Variants in MAGI2 observed in about 807,000 individuals in gnomAD.
MAGI2 encodes membrane associated guanylate kinase, WW and PDZ domain containing 2.
In MAGI2, 35 loss-of-function variants were observed where a neutral mutation model predicts 133.3. The observed-to-expected ratio is 0.26, with a 90% CI of 0.20 to 0.35. The LOEUF (loss-of-function observed/expected upper bound fraction) is 0.35, where lower values mean the gene tolerates loss of function less well. Ranked by LOEUF, MAGI2 falls within the 10% of genes least tolerant of loss-of-function variation. The pLI is 1.00. For synonymous variants in MAGI2, 729 were observed against 710.6 expected (o/e 1.03, Z -0.41); for missense variants, 1,636 against 1,863.4 (o/e 0.88, Z 2.25).
intron 7 of MAGI2, among the ~76,000 whole-genome samples, chr7:78,355,933 G>C (rs1421436843): frequency 6.6e-6 from 1 of 152,106 alleles, no homozygotes; most frequent in Non-Finnish European, 1.5e-5. Context: ...GAAAATGTGT[G>C]TGTGTATGCG....
rs554311808 is a variant in MAGI2 at position 78,087,481 on chromosome 7, A to T, written c.3568-8396T>A. 4.1e-4 allele frequency among the ~76,000 whole-genome samples: 57 copies of T among 140,114 alleles called. 2 individuals are homozygous for T. In the East Asian group the frequency reaches 4.2e-3, roughly 10 times the overall value. The allele number at this position is 140,114 out of a possible 152,430, so 91.9% of individuals were successfully genotyped here. On this transcript the variant is annotated intron_variant, in intron 20 of 21. Transcript: ENST00000354212. ...CAATTAACAATAGATCATTATAATT[A>T]TCATAATAACGGTAGAAGAGATAAA...
intron 2 of MAGI2, among the ~76,000 whole-genome samples, chr7:78,640,147 A>G (rs916695011): frequency 6.6e-5 from 10 of 152,286 alleles, no homozygotes; most frequent in African/African-American, 2.4e-4. Flanking sequence ...ATCTCAGACT[A>G]CTGTATTTCC....
intron 13 of MAGI2, among the ~76,000 whole-genome samples, chr7:78,181,860 G>T (rs535425417): frequency 3.1e-4 from 47 of 152,308 alleles, no homozygotes; most frequent in African/African-American, 1.0e-3. Context: ...GACTCTAGGG[G>T]CTTCACATGC....
At chr7:78,968,688 A>T (rs1159875508) in intron 2 of MAGI2, among the ~76,000 whole-genome samples, 2 of 152,044 alleles carry the variant, frequency 1.3e-5, no homozygotes, top group Non-Finnish European at 2.9e-5. Flanking sequence ...ATTCCAAAAG[A>T]AGTCATTTTA....
chr7:78,168,346 A>C (rs940922868), intron 14 of MAGI2, among the ~76,000 whole-genome samples: 5 of 152,068 alleles, frequency 3.3e-5, no homozygotes, highest in Non-Finnish European at 5.9e-5. Flanking sequence ...CTGAGCATGC[A>C]CTTGTAAAGT....
At chr7:78,223,520 A>G (rs1351402402) in intron 10 of MAGI2, among the ~76,000 whole-genome samples, 1 of 152,250 alleles carries the variant, frequency 6.6e-6, no homozygotes, top group South Asian at 2.1e-4. Flanking sequence ...CTGAAACTTT[A>G]AAGAAATATT....
At chr7:78,115,278 G>C (rs966846055) in intron 20 of MAGI2, among the ~76,000 whole-genome samples, 2 of 151,726 alleles carry the variant, frequency 1.3e-5, no homozygotes, top group African/African-American at 4.8e-5. Context: ...GAACCCCAAA[G>C]AACAATTCAA....
At chr7:78,057,786 G>A (rs1250992500) in intron 21 of MAGI2, among the ~76,000 whole-genome samples, 1 of 151,756 alleles carries the variant, frequency 6.6e-6, no homozygotes, top group Non-Finnish European at 1.5e-5. Context: ...TACATGGTGA[G>A]TAAGCAGTGA....
At chr7:78,598,360 T>G (rs373975340) in intron 3 of MAGI2, among the ~76,000 whole-genome samples, 1 of 151,962 alleles carries the variant, frequency 6.6e-6, no homozygotes, top group East Asian at 1.9e-4. Flanking sequence ...GGGGAGGTGC[T>G]GAGGAGGAGA....
At chr7:79,248,295 G>T (rs1203130009) in intron 1 of MAGI2, among the ~76,000 whole-genome samples, 1 of 152,030 alleles carries the variant, frequency 6.6e-6, no homozygotes, top group Non-Finnish European at 1.5e-5. Context: ...TGATAAAAGG[G>T]TCAATTCAGT....
At chr7:78,981,195 C>T (rs1208416071) in intron 2 of MAGI2, among the ~76,000 whole-genome samples, 1 of 151,444 alleles carries the variant, frequency 6.6e-6, no homozygotes, top group Non-Finnish European at 1.5e-5. Flanking sequence ...TATTACTAGA[C>T]ACTGTCTCAT....
At chr7:78,689,682 C>CTTTTTTTT (rs200333526) in intron 2 of MAGI2, among the ~76,000 whole-genome samples, 80 of 92,018 alleles carry the variant, frequency 8.7e-4, no homozygotes, top group Non-Finnish European at 1.2e-3. Flanking sequence ...TTGGATCTGG[C>CTTTTTTTT]TTTTTTTTTT....
At chr7:78,601,543 G>A (rs532418305) in intron 3 of MAGI2, among the ~76,000 whole-genome samples, 9 of 152,182 alleles carry the variant, frequency 5.9e-5, no homozygotes, top group Non-Finnish European at 1.0e-4. Flanking sequence ...TTGGTTGTTC[G>A]AGATATTGCA....
chr7:78,071,684 C>A (rs28594888), intron 21 of MAGI2, among the ~76,000 whole-genome samples: 13,341 of 152,196 alleles, frequency 0.088, 922 homozygotes, highest in African/African-American at 0.18. Flanking sequence ...GAACCCTGTT[C>A]TCTGTATGAT....
At chr7:78,373,193 A>G (rs1562905241) in intron 6 of MAGI2, among the ~76,000 whole-genome samples, 1 of 152,156 alleles carries the variant, frequency 6.6e-6, no homozygotes, top group Non-Finnish European at 1.5e-5. Context: ...AGTAGCTGAC[A>G]AGTACCCTTA....
At chr7:78,981,152 TTAAA>T (rs1804750527) in intron 2 of MAGI2, among the ~76,000 whole-genome samples, 1 of 151,472 alleles carries the variant, frequency 6.6e-6, no homozygotes, top group South Asian at 2.1e-4. Context: ...CTTGTTGGAC[TTAAA>T]TAAATATAAG....
chr7:78,321,216 T>G (rs1027135594), intron 9 of MAGI2, among the ~76,000 whole-genome samples: 2 of 152,184 alleles, frequency 1.3e-5, no homozygotes, highest in Non-Finnish European at 2.9e-5. Flanking sequence ...ATAGATTCAA[T>G]GCCATCCCCA....
chr7:79,207,813 A>C (rs1829181126), intron 1 of MAGI2, among the ~76,000 whole-genome samples: 1 of 152,050 alleles, frequency 6.6e-6, no homozygotes, highest in South Asian at 2.1e-4. Context: ...CAACCAAAAC[A>C]TCATGGTACT....
intron 2 of MAGI2, among the ~76,000 whole-genome samples, chr7:78,974,169 A>G: frequency 6.6e-6 from 1 of 151,808 alleles, no homozygotes; most frequent in East Asian, 1.9e-4. Context: ...AGGACAAGTG[A>G]GAATGTACCT....
Sources: allele counts gnomAD v4.1 joint callset (sites outside exome capture counted in the v4.1 genomes callset), GRCh38; gene constraint gnomAD v4.1.1; transcripts MANE v1.5; gene names NCBI Gene and HGNC (gene_info 2026-07-23, HGNC 2026-07-21).